RMND5A: variants seen among roughly 807,000 people sequenced by gnomAD.
RMND5A encodes E3 ubiquitin-protein transferase RMND5A.
RMND5A carries 17 observed loss-of-function variants against 49.7 expected under a neutral mutation model. The observed-to-expected ratio is 0.34, with a 90% CI of 0.23 to 0.51. The LOEUF (loss-of-function observed/expected upper bound fraction) is 0.51, where lower values mean the gene tolerates loss of function less well. Ranked by LOEUF, RMND5A falls within the 20% of genes least tolerant of loss-of-function variation. The probability of loss-of-function intolerance (pLI) is 0.96; values close to 1 mark genes in which losing one functional copy is unlikely to be tolerated. For synonymous variants in RMND5A, 156 were observed against 167.7 expected, an observed-to-expected ratio of 0.93 and a Z score of 0.54; for missense variants, 255 against 471.3, an observed-to-expected ratio of 0.54 and a Z score of 4.25.
At chr2:86,761,428 G>A (rs139344379) in intron 4 of RMND5A, among the ~76,000 whole-genome samples, 169 of 152,310 alleles carry the variant, frequency 1.1e-3, no homozygotes, top group Non-Finnish European at 2.0e-3. Flanking sequence ...ATACAAATGT[G>A]GGTTTCTGGG....
chr2:86,745,345 G>A (rs1681518946), intron 2 of RMND5A, among the ~76,000 whole-genome samples: 1 of 152,200 alleles, frequency 6.6e-6, no homozygotes, highest in African/African-American at 2.4e-5. Context: ...CTACATGAAA[G>A]AAGTTTGCAT....
At chr2:86,750,193 A>G (rs923126570) in intron 2 of RMND5A, among the ~76,000 whole-genome samples, 2 of 152,206 alleles carry the variant, frequency 1.3e-5, no homozygotes, top group African/African-American at 4.8e-5. Flanking sequence ...AAGCTTTCAC[A>G]CTGTGATGTA....
At chr2:86,750,447 A>G (rs1287435521) in intron 2 of RMND5A, among the ~76,000 whole-genome samples, 3 of 152,198 alleles carry the variant, frequency 2.0e-5, no homozygotes, top group Non-Finnish European at 2.9e-5. Flanking sequence ...TCTGGCCTCC[A>G]TAGTTTCTGT....
At chr2:86,748,479 G>A (rs899229188) in intron 2 of RMND5A, 1 of 152,164 alleles carries the variant, frequency 6.6e-6, no homozygotes, top group Non-Finnish European at 1.5e-5. Flanking sequence ...CTTGAATGTA[G>A]TTAGATTTTG....
rs1425794365 is a variant in RMND5A at position 86,725,670 on chromosome 2, C to T, written c.142+4861C>T. ...CCTTCCAAACTGCAGGGATTACAGG[C>T]GTGAGCCACTGCGCCCGACCTCCAG... On this transcript the variant is annotated intron_variant, in intron 1 of 8. Transcript: ENST00000283632. Among the ~76,000 whole-genome samples, 2 of 78,934 alleles carry T rather than the reference C, an allele frequency of 2.5e-5. 1 individual carries two copies. The highest frequency in any genetic ancestry group is 5.3e-5 in the Non-Finnish European group (2 of 38,026). 51.8% of individuals were successfully genotyped at this position (78,934 alleles called of 152,430 possible). A position where few individuals can be genotyped will look rare whatever the true frequency, so the allele number is the denominator to read the frequency against.
intron 4 of RMND5A, among the ~76,000 whole-genome samples, chr2:86,755,560 T>C (rs1384701979): frequency 6.6e-6 from 1 of 152,280 alleles, no homozygotes; most frequent in Admixed American, 6.5e-5. Context: ...ACTTTGTTCA[T>C]ATGTGCTAGT....
chr2:86,765,442 G>A (rs748728255), intron 5 of RMND5A: 60 of 393,078 alleles, frequency 1.5e-4, no homozygotes, highest in Non-Finnish European at 2.2e-4. Context: ...AGCAAGGTGT[G>A]CACTTGCTCT....
intron 4 of RMND5A, 52 bp downstream of exon 4, chr2:86,753,610 A>G: frequency 1.1e-6 from 1 of 899,320 alleles, no homozygotes; most frequent in Non-Finnish European, 1.8e-6. Context: ...CTCTGTAAGA[A>G]AACTCAATCA....
intron 2 of RMND5A, among the ~76,000 whole-genome samples, chr2:86,747,485 A>G (rs1681557938): frequency 6.6e-6 from 1 of 152,336 alleles, no homozygotes; most frequent in East Asian, 1.9e-4. Context: ...TCTGTTAAGT[A>G]TCCTTTGCTG....
chr2:86,746,089 A>G (rs1226200894), intron 2 of RMND5A, among the ~76,000 whole-genome samples: 1 of 152,200 alleles, frequency 6.6e-6, no homozygotes, highest in Non-Finnish European at 1.5e-5. Context: ...AAAATGACAT[A>G]TAGAATATTT....
intron 4 of RMND5A, among the ~76,000 whole-genome samples, chr2:86,764,458 T>C (rs1421468960): frequency 6.6e-6 from 1 of 152,214 alleles, no homozygotes; most frequent in Non-Finnish European, 1.5e-5. Context: ...TTTTCCCTTA[T>C]TAGAACTATG....
At chr2:86,771,537 T>A in intron 7 of RMND5A, 21 bp from the exon 8 acceptor site, 1 of 19,310 alleles carries the variant, frequency 5.2e-5, no homozygotes, top group Non-Finnish European at 8.8e-5. Flanking sequence ...GCTTTTTTAC[T>A]TTTTTTTTTT....
At chr2:86,755,644 G>C (rs1681721119) in intron 4 of RMND5A, among the ~76,000 whole-genome samples, 1 of 152,198 alleles carries the variant, frequency 6.6e-6, no homozygotes, top group Non-Finnish European at 1.5e-5. Context: ...GAGTACTCCA[G>C]ACTTTTCTCC....
chr2:86,720,961 T>C lies in RMND5A; in HGVS notation c.142+152T>C, dbSNP rs966031220. The C allele has an allele frequency of 9.9e-6, 6 of 607,654 alleles. No individual in the cohort carries two copies. In the African/African-American group the frequency reaches 1.0e-4, roughly 10 times the overall value. 37.6% of individuals were successfully genotyped at this position (607,654 alleles called of 1,614,324 possible). On this transcript the variant is annotated intron_variant, in intron 1 of 8. Transcript: ENST00000283632. Reference sequence around the variant, plus strand: ...AGGCCCCCAGACCCCTGAGACTTTTTCCCCTCTTCGTCCGATTTACCTCGA... The same window carrying C: ...AGGCCCCCAGACCCCTGAGACTTTTCCCCCTCTTCGTCCGATTTACCTCGA...
chr2:86,728,434 G>A lies in RMND5A; in HGVS notation c.142+7625G>A, dbSNP rs1681303376. Among the ~76,000 whole-genome samples the A allele has an allele frequency of 5.4e-5, 4 of 74,088 alleles. 2 individuals carry two copies. In the South Asian group the frequency reaches 1.5e-3, roughly 28 times the overall value. The allele number at this position is 74,088 out of a possible 152,430, so 48.6% of individuals were successfully genotyped here. On this transcript the variant is annotated intron_variant, in intron 1 of 8. Coordinates refer to ENST00000283632, the MANE Select transcript of RMND5A (RefSeq NM_022780.4). ...GTTCAAGCGATTCTTGTGCTCCCAA[G>A]TAGCTGGGATTACAGGTGTGCACAA...
chr2:86,772,792 G>A (rs528065293), intron 8 of RMND5A, among the ~76,000 whole-genome samples: 66 of 152,020 alleles, frequency 4.3e-4, no homozygotes, highest in African/African-American at 1.5e-3. Context: ...ACAGGGTTTC[G>A]CCATGTCGCT....
intron 6 of RMND5A, 136 bp downstream of exon 6, chr2:86,766,160 A>G (rs1290772267): frequency 3.9e-6 from 3 of 776,840 alleles, no homozygotes; most frequent in African/African-American, 3.5e-5. Flanking sequence ...ATTTCAAAAG[A>G]TATCACAATT....
chr2:86,769,939 A>C, intron 6 of RMND5A, 84 bp from the exon 7 acceptor site: 3 of 908,006 alleles, frequency 3.3e-6, no homozygotes, highest in Non-Finnish European at 5.5e-6. Context: ...TGCAGCACAT[A>C]GAGTCTGGAG....
At chr2:86,762,718 C>CATATATATATG (rs5832692) in intron 4 of RMND5A, among the ~76,000 whole-genome samples, 9 of 28,950 alleles carry the variant, frequency 3.1e-4, no homozygotes, top group African/African-American at 1.1e-3. Context: ...TCATATATAT[C>CATATATATATG]ATATATATCA....
Sources: gnomAD v4.1 joint callset for allele counts (sites outside exome capture counted in the v4.1 genomes callset) on GRCh38, gnomAD v4.1.1 for gene constraint, MANE v1.5 for transcripts, NCBI Gene and HGNC (gene_info 2026-07-23, HGNC 2026-07-21) for gene names.